The following ASAP1 variants were observed in gnomAD, a reference collection of about 807,000 sequenced individuals.
The protein encoded by ASAP1 is arf-GAP with SH3 domain, ANK repeat and PH domain-containing protein 1.
A neutral mutation model predicts 145.2 loss-of-function variants in ASAP1; 43 were observed. The ratio of observed to expected loss-of-function variants is 0.30; its 90% CI spans 0.23 to 0.38. The LOEUF is 0.38. Ranked by LOEUF, ASAP1 falls within the 10% of genes least tolerant of loss-of-function variation. ASAP1 has a pLI of 1.00. For missense variants in ASAP1, 1,018 were observed against 1,355.3 expected (o/e 0.75, Z 3.91); for synonymous variants, 546 against 515.5 (o/e 1.06, Z -0.80).
At chr8:130,134,201 T>A in intron 15 of ASAP1, 95 bp downstream of exon 15, 1 of 968,256 alleles carries the variant, frequency 1.0e-6, no homozygotes, top group Non-Finnish European at 1.5e-6. Flanking sequence ...CCAGGCGAGG[T>A]TCTTACAAAT....
intron 4 of ASAP1, among the ~76,000 whole-genome samples, chr8:130,229,209 G>A (rs555096631): frequency 2.6e-5 from 4 of 152,242 alleles, no homozygotes; most frequent in East Asian, 1.9e-4. Context: ...CTTGCTAAAC[G>A]CTTAATTGGA....
At chr8:130,336,628 G>C (rs1464350487) in intron 3 of ASAP1, among the ~76,000 whole-genome samples, 4 of 152,230 alleles carry the variant, frequency 2.6e-5, no homozygotes, top group African/African-American at 4.8e-5. Context: ...ATCATGTGAT[G>C]CATCAAAGAG....
At chr8:130,131,603 G>GAAAAAAAA (rs1159191172) in intron 15 of ASAP1, among the ~76,000 whole-genome samples, 25 of 63,102 alleles carry the variant, frequency 4.0e-4, no homozygotes, top group African/African-American at 1.7e-3. Context: ...CATGGCTACT[G>GAAAAAAAA]AAAAAAAAAA....
chr8:130,373,458 A>G (rs1395676040), intron 2 of ASAP1, among the ~76,000 whole-genome samples: 1 of 152,184 alleles, frequency 6.6e-6, no homozygotes, highest in Non-Finnish European at 1.5e-5. Context: ...TTACTAATAC[A>G]CCATTCCACA....
intron 3 of ASAP1, among the ~76,000 whole-genome samples, chr8:130,243,489 C>T (rs978595592): frequency 1.3e-5 from 2 of 152,142 alleles, no homozygotes; most frequent in Non-Finnish European, 2.9e-5. Context: ...AAAGAATTCA[C>T]TGTTCTTCCA....
chr8:130,076,259 C>A, intron 27 of ASAP1, 89 bp downstream of exon 27: 1 of 866,236 alleles, frequency 1.2e-6, no homozygotes, highest in South Asian at 1.7e-5. Context: ...TGGGATGGAT[C>A]AATGAACAAG....
At chr8:130,347,786 G>C (rs1825783223) in intron 3 of ASAP1, among the ~76,000 whole-genome samples, 1 of 152,132 alleles carries the variant, frequency 6.6e-6, no homozygotes, top group Non-Finnish European at 1.5e-5. Context: ...ACTGGAGCTG[G>C]GAATAATTTG....
chr8:130,138,522 G>A (rs1355796698), intron 13 of ASAP1, among the ~76,000 whole-genome samples: 1 of 152,088 alleles, frequency 6.6e-6, no homozygotes, highest in Admixed American at 6.5e-5. Flanking sequence ...GGAGCTTGTG[G>A]GCCTGCAAGT....
chr8:130,088,206 C>A (rs1050768387), intron 25 of ASAP1, among the ~76,000 whole-genome samples: 1 of 152,172 alleles, frequency 6.6e-6, no homozygotes, highest in African/African-American at 2.4e-5. Flanking sequence ...TCTCGGCTCA[C>A]CACAACCTCC....
rs1347196935 is a variant in ASAP1 at position 130,431,343 on chromosome 8, G to A, written c.-28+12117C>T. On this transcript the variant is annotated intron_variant, in intron 1 of 29. Transcript: ENST00000518721. ...CTTAAGCCTTCAGTGGTTCCTCAGC[G>A]GCTTCAAGATAAAGTTCAAGCTCCA... is the stretch of plus-strand genomic sequence containing the variant. 2.6e-5 allele frequency among the ~76,000 whole-genome samples: 4 copies of A among 152,140 alleles called. 1 individual carries two copies. The highest frequency in any genetic ancestry group is 1.9e-4 in the East Asian group (1 of 5,198).
intron 3 of ASAP1, among the ~76,000 whole-genome samples, chr8:130,312,939 C>T (rs1461497865): frequency 6.6e-6 from 1 of 152,182 alleles, no homozygotes; most frequent in African/African-American, 2.4e-5. Context: ...CCCTCATCTA[C>T]AACTGATCCA....
chr8:130,368,307 A>G (rs776464206), intron 2 of ASAP1, among the ~76,000 whole-genome samples: 1 of 152,196 alleles, frequency 6.6e-6, no homozygotes, highest in Non-Finnish European at 1.5e-5. Context: ...TTGTGTGAAT[A>G]AACTACTTTT....
chr8:130,136,830 A>C (rs1565002892), intron 14 of ASAP1, 121 bp downstream of exon 14: 1 of 829,198 alleles, frequency 1.2e-6, no homozygotes, highest in Non-Finnish European at 2.0e-6. Flanking sequence ...CACATGCAGG[A>C]ATAACTGTTC....
chr8:130,284,857 A>G (rs1189440171), intron 3 of ASAP1, among the ~76,000 whole-genome samples: 3 of 149,450 alleles, frequency 2.0e-5, no homozygotes, highest in Non-Finnish European at 4.5e-5. Context: ...ACACACACAC[A>G]CACACACACA....
intron 2 of ASAP1, among the ~76,000 whole-genome samples, chr8:130,369,366 A>G (rs1407535523): frequency 6.6e-6 from 1 of 152,226 alleles, no homozygotes; most frequent in Admixed American, 6.5e-5. Flanking sequence ...TTTGTATACA[A>G]TGAAATATCA....
intron 18 of ASAP1, among the ~76,000 whole-genome samples, chr8:130,120,906 G>A (rs1406804500): frequency 6.6e-6 from 1 of 152,136 alleles, no homozygotes; most frequent in Non-Finnish European, 1.5e-5. Context: ...CTGGAAATCT[G>A]GACACTAGAA....
At chr8:130,344,742 AAAACAAACAAAC>A (rs760226346) in intron 3 of ASAP1, among the ~76,000 whole-genome samples, 1 of 152,298 alleles carries the variant, frequency 6.6e-6, no homozygotes, top group East Asian at 1.9e-4. Flanking sequence ...GTCTCTTAAA[AAAACAAACAAAC>A]AAACAAACAA....
At chr8:130,074,374 A>T (rs528632856) in intron 27 of ASAP1, among the ~76,000 whole-genome samples, 2 of 151,718 alleles carry the variant, frequency 1.3e-5, no homozygotes, top group East Asian at 3.9e-4. Context: ...AGGAGGCTGC[A>T]GGATACTATT....
intron 1 of ASAP1, 26 bp from the exon 2 acceptor site, chr8:130,401,996 G>A (rs1828819255): frequency 6.6e-7 from 1 of 1,504,114 alleles, no homozygotes; most frequent in South Asian, 1.1e-5. Flanking sequence ...GACAAAAAGG[G>A]GACAAGAGTC....
Sources: allele counts gnomAD v4.1 joint callset (sites outside exome capture counted in the v4.1 genomes callset), GRCh38; gene constraint gnomAD v4.1.1; transcripts MANE v1.5; gene names NCBI Gene and HGNC (gene_info 2026-07-23, HGNC 2026-07-21).